DPYSL5: variants seen among roughly 807,000 people sequenced by gnomAD.
The protein encoded by DPYSL5 is dihydropyrimidinase like 5.
A neutral mutation model predicts 58.4 loss-of-function variants in DPYSL5; 9 were observed. The ratio of observed to expected loss-of-function variants is 0.15; its 90% CI spans 0.09 to 0.27. The LOEUF is 0.27. Ranked by LOEUF, DPYSL5 falls within the 10% of genes least tolerant of loss-of-function variation. DPYSL5 has a pLI of 1.00. For missense variants in DPYSL5, 499 were observed against 770.6 expected (o/e 0.65, Z 4.17); for synonymous variants, 293 against 301.9 (o/e 0.97, Z 0.31).
chr2:26,907,771 G>A (rs1426718142), intron 2 of DPYSL5, among the ~76,000 whole-genome samples: 2 of 152,182 alleles, frequency 1.3e-5, no homozygotes, highest in Non-Finnish European at 2.9e-5. Context: ...CTTCTCGCCA[G>A]CTGAAATAAC....
chr2:26,865,142 C>G (rs1666109143), intron 1 of DPYSL5, among the ~76,000 whole-genome samples: 1 of 151,900 alleles, frequency 6.6e-6, no homozygotes, highest in South Asian at 2.1e-4. Flanking sequence ...TTTTTTCCTC[C>G]TTCTGATTTT....
intron 2 of DPYSL5, among the ~76,000 whole-genome samples, chr2:26,902,153 A>G (rs1404062813): frequency 6.6e-6 from 1 of 152,152 alleles, no homozygotes; most frequent in Non-Finnish European, 1.5e-5. Context: ...AAAGGAGGTT[A>G]TCTCCGTGGG....
At chr2:26,859,081 T>C (rs1352284553) in intron 1 of DPYSL5, among the ~76,000 whole-genome samples, 1 of 152,230 alleles carries the variant, frequency 6.6e-6, no homozygotes, top group African/African-American at 2.4e-5. Context: ...AACTTTTCCA[T>C]GTCTCTATCT....
rs1485136787 is a variant in DPYSL5 at position 26,893,479 on chromosome 2, A to G, written c.-4-5017A>G. Among the ~76,000 whole-genome samples the G allele has an allele frequency of 2.6e-5, 4 of 152,296 alleles. 1 individual carries two copies. The highest frequency in any genetic ancestry group is 2.6e-4 in the Admixed American group (4 of 15,298). On this transcript the variant is annotated intron_variant, in intron 1 of 12. Transcript: ENST00000288699. ...ATATGTTGCTCCCTTTGTTCTATTC[A>G]CCGTAATTAGCTGTGTTAGGAAAAT...
At chr2:26,869,430 C>A (rs1007127899) in intron 1 of DPYSL5, among the ~76,000 whole-genome samples, 1 of 152,186 alleles carries the variant, frequency 6.6e-6, no homozygotes, top group Non-Finnish European at 1.5e-5. Flanking sequence ...TCACCCCACA[C>A]AGACACTTTG....
At chr2:26,872,962 A>G (rs1035472669) in intron 1 of DPYSL5, among the ~76,000 whole-genome samples, 1 of 152,192 alleles carries the variant, frequency 6.6e-6, no homozygotes, top group East Asian at 1.9e-4. Flanking sequence ...CTATCTCTAA[A>G]ATATTTAGAC....
rs59337750 is a variant in DPYSL5 at position 26,937,742 on chromosome 2, TTTTGTTTG to T, written c.948-2258_948-2251del. 2.0e-3 allele frequency among the ~76,000 whole-genome samples: 291 copies of T among 149,212 alleles called. 1 individual carries two copies. The highest frequency in any genetic ancestry group is 3.3e-3 in the Non-Finnish European group (223 of 67,424). ...TGTGCACCACCATGCCTGGCTAGTTTTTTGTTTGTTTGTTTGTTTGTTTGTTTGTTTGT... is the reference window on the plus strand; with the variant it reads ...TGTGCACCACCATGCCTGGCTAGTTTTTTGTTTGTTTGTTTGTTTGTTTGT... On this transcript the variant is annotated intron_variant, in intron 8 of 12. Transcript: ENST00000288699.
chr2:26,859,894 G>C (rs1312697379), intron 1 of DPYSL5, among the ~76,000 whole-genome samples: 1 of 152,136 alleles, frequency 6.6e-6, no homozygotes, highest in African/African-American at 2.4e-5. Context: ...GTTTGAGATG[G>C]GCTTGAACCT....
intron 1 of DPYSL5, among the ~76,000 whole-genome samples, chr2:26,862,679 G>T (rs557811993): frequency 2.0e-5 from 3 of 152,240 alleles, no homozygotes; most frequent in African/African-American, 7.2e-5. Context: ...GCAGAGAGCC[G>T]CTGTGTGCCT....
At chr2:26,870,006 G>A (rs746127787) in intron 1 of DPYSL5, among the ~76,000 whole-genome samples, 6 of 152,144 alleles carry the variant, frequency 3.9e-5, no homozygotes, top group South Asian at 2.1e-4. Context: ...GCAAGACTTC[G>A]TCTCAAAACA....
chr2:26,940,249 A>G, intron 9 of DPYSL5, 77 bp downstream of exon 9: 1 of 1,537,502 alleles, frequency 6.5e-7, no homozygotes, highest in Non-Finnish European at 8.8e-7. Flanking sequence ...TCCCAATAAG[A>G]GTATTCACTC....
At chr2:26,860,897 C>T (rs1215632709) in intron 1 of DPYSL5, among the ~76,000 whole-genome samples, 1 of 152,202 alleles carries the variant, frequency 6.6e-6, no homozygotes, top group East Asian at 1.9e-4. Flanking sequence ...TGTTGCTTGT[C>T]TCTGGAGGGG....
At chr2:26,913,218 A>G (rs1477125449) in intron 2 of DPYSL5, among the ~76,000 whole-genome samples, 7 of 152,116 alleles carry the variant, frequency 4.6e-5, no homozygotes, top group East Asian at 1.9e-4. Flanking sequence ...CTGGCTCTCT[A>G]TTGATGAGGG....
intron 2 of DPYSL5, among the ~76,000 whole-genome samples, chr2:26,915,794 T>G (rs1054629303): frequency 6.6e-6 from 1 of 152,160 alleles, no homozygotes; most frequent in East Asian, 1.9e-4. Context: ...AAAGGACCTG[T>G]GCTTCCTCAG....
intron 1 of DPYSL5, among the ~76,000 whole-genome samples, chr2:26,882,391 G>A (rs538871335): frequency 2.7e-3 from 405 of 151,536 alleles, no homozygotes; most frequent in African/African-American, 9.4e-3. Context: ...GACTACAGGC[G>A]CACACCACCA....
In DPYSL5 at chr2:26,934,763, G is replaced by C; in HGVS notation, c.947+29G>C. On this transcript the variant is annotated intron_variant, in intron 8 of 12. Coordinates refer to ENST00000288699, the MANE Select transcript of DPYSL5 (RefSeq NM_020134.4). This position sits in a 1 kb window ranked among gnomAD's most constrained non-coding sequence, Gnocchi z 4.3. Reference sequence around the variant, plus strand: ...AGGCGTTTCAGCAGCACATTGCAGGGATGTGTACATCTTTAGGAAGACGTC... The same window carrying C: ...AGGCGTTTCAGCAGCACATTGCAGGCATGTGTACATCTTTAGGAAGACGTC... 1 of 1,612,638 alleles carries C rather than the reference G, an allele frequency of 6.2e-7. No homozygotes were observed. The highest frequency in any genetic ancestry group is 8.5e-7 in the Non-Finnish European group (1 of 1,179,170).
At chr2:26,897,371 G>C (rs150705710) in intron 1 of DPYSL5, among the ~76,000 whole-genome samples, 4 of 152,276 alleles carry the variant, frequency 2.6e-5, no homozygotes, top group African/African-American at 9.6e-5. Context: ...TATCATGAAT[G>C]GGTGTTGAAT....
At position 26,934,847 on chromosome 2, in the gene DPYSL5, A is replaced by G; in HGVS notation, c.947+113A>G. 7.1e-7 allele frequency: 1 copy of G among 1,414,332 alleles called. No homozygotes were observed. Among genetic ancestry groups the G allele is most frequent in the Non-Finnish European group, 9.7e-7 (1 of 1,034,100 alleles). The allele number at this position is 1,414,332 out of a possible 1,614,324, so 87.6% of individuals were successfully genotyped here. Reference sequence around the variant, plus strand: ...TTGATTTCATTGTGCCCATAGGATCATTGTGCTTTTCTTACCTTCTCTGAG... The same window carrying G: ...TTGATTTCATTGTGCCCATAGGATCGTTGTGCTTTTCTTACCTTCTCTGAG... On this transcript the variant is annotated intron_variant, in intron 8 of 12. Transcript: ENST00000288699. This position sits in a 1 kb window ranked among gnomAD's most constrained non-coding sequence, Gnocchi z 4.3.
chr2:26,879,887 GT>G (rs1351236460), intron 1 of DPYSL5, among the ~76,000 whole-genome samples: 1 of 151,054 alleles, frequency 6.6e-6, no homozygotes, highest in Non-Finnish European at 1.5e-5. Flanking sequence ...GCTGCCACTC[GT>G]TTGTTGTTGT....
Sources: allele counts gnomAD v4.1 joint callset (sites outside exome capture counted in the v4.1 genomes callset), GRCh38; gene constraint gnomAD v4.1.1; non-coding constraint Gnocchi (gnomAD v3.1); transcripts MANE v1.5; gene names NCBI Gene and HGNC (gene_info 2026-07-23, HGNC 2026-07-21).